PLCG2: variants seen among roughly 807,000 people sequenced by gnomAD.
The protein encoded by PLCG2 is 1-phosphatidylinositol 4,5-bisphosphate phosphodiesterase gamma-2.
A neutral mutation model predicts 175.6 loss-of-function variants in PLCG2; 69 were observed. The ratio of observed to expected loss-of-function variants is 0.39; its 90% CI spans 0.32 to 0.48. The LOEUF is 0.48. PLCG2 is among the 20% of genes least tolerant of loss of function. PLCG2 has a pLI of 0.91. For synonymous variants in PLCG2, 827 were observed against 624.0 expected (o/e 1.33, Z -4.85); for missense variants, 1,798 against 1,650.9 (o/e 1.09, Z -1.54).
At chr16:81,893,430 T>G (rs1377333715) in intron 11 of PLCG2, among the ~76,000 whole-genome samples, 1 of 146,546 alleles carries the variant, frequency 6.8e-6, no homozygotes, top group Non-Finnish European at 1.5e-5. Flanking sequence ...TTTGACCAAC[T>G]TCTCCTCAAA....
At chr16:81,808,528 C>G (rs187822322) in intron 2 of PLCG2, among the ~76,000 whole-genome samples, 15 of 152,206 alleles carry the variant, frequency 9.9e-5, no homozygotes, top group African/African-American at 3.4e-4. Context: ...GAGTCTCCCT[C>G]TGTCGCCCAG....
chr16:81,780,871 A>G (rs898156655), intron 1 of PLCG2, among the ~76,000 whole-genome samples: 1 of 152,152 alleles, frequency 6.6e-6, no homozygotes, highest in Non-Finnish European at 1.5e-5. Context: ...TACTAAAACT[A>G]CAAAAATTAC....
intron 2 of PLCG2, among the ~76,000 whole-genome samples, chr16:81,850,050 C>CACAAGAGAAA (rs1906327839): frequency 6.6e-6 from 1 of 152,022 alleles, no homozygotes; most frequent in Non-Finnish European, 1.5e-5. Flanking sequence ...AAGTCAAAGG[C>CACAAGAGAAA]ACAAGAGAAA....
intron 9 of PLCG2, among the ~76,000 whole-genome samples, chr16:81,887,053 A>C (rs1370243930): frequency 2.0e-5 from 3 of 151,802 alleles, no homozygotes; most frequent in Non-Finnish European, 4.4e-5. Flanking sequence ...AAATGCAAAA[A>C]CTTTGTAGGG....
chr16:81,886,823 A>G (rs1490932400), intron 9 of PLCG2, among the ~76,000 whole-genome samples: 4 of 152,232 alleles, frequency 2.6e-5, no homozygotes, highest in Non-Finnish European at 5.9e-5. Flanking sequence ...GTATAGAGTC[A>G]GTGCTCAGTG....
intron 25 of PLCG2, among the ~76,000 whole-genome samples, chr16:81,931,942 C>G (rs1276039447): frequency 6.6e-6 from 1 of 152,220 alleles, no homozygotes; most frequent in East Asian, 1.9e-4. Flanking sequence ...CCCTACATAT[C>G]TTACCAAGGA....
Position 81,943,245 on chromosome 16 carries a change from A to T in PLCG2, c.3482-2930A>T, listed in dbSNP as rs1911023541. Among the ~76,000 whole-genome samples, 3 of 152,224 alleles carry T rather than the reference A, an allele frequency of 2.0e-5. No homozygotes were observed. The East Asian group carries it at 5.8e-4, about 29-fold the overall frequency. On this transcript the variant is annotated intron_variant, in intron 30 of 32. Transcript: ENST00000564138. ...CTGAGACTGGGTAATTTATAAAGAA[A>T]AGAGGTTTGATTGGCTCACAGTTCT...
At chr16:81,767,134 T>TG (rs1450718911) in intron 2 of PLCG2, among the ~76,000 whole-genome samples, 2 of 123,282 alleles carry the variant, frequency 1.6e-5, no homozygotes, top group African/African-American at 6.2e-5. Context: ...GATAAACTCG[T>TG]GGTTTTTTTT....
At position 81,886,836 on chromosome 16, in the gene PLCG2, G is replaced by A. The variant is rs750158855; in HGVS notation, c.766-2336G>A. On this transcript the variant is annotated intron_variant, in intron 9 of 32. Transcript: ENST00000564138. ...GAGTATAGAGTCAGTGCTCAGTGTTGATGGCCATCGCCATTTATTTTTATT... is the reference window on the plus strand; with the variant it reads ...GAGTATAGAGTCAGTGCTCAGTGTTAATGGCCATCGCCATTTATTTTTATT... Among the ~76,000 whole-genome samples the A allele has an allele frequency of 1.1e-3, 162 of 152,200 alleles. 1 individual carries two copies. Among genetic ancestry groups the A allele is most frequent in the Non-Finnish European group, 1.2e-3 (79 of 68,036 alleles).
At chr16:81,923,848 C>G (rs763910280) in intron 22 of PLCG2, among the ~76,000 whole-genome samples, 22 of 152,182 alleles carry the variant, frequency 1.4e-4, no homozygotes, top group Non-Finnish European at 1.8e-4. Context: ...ACAGCAGCTA[C>G]CATTTATTGA....
chr16:81,905,468 G>A lies in PLCG2; in HGVS notation c.1428G>A (p.Lys476=). The part of the protein sequence containing the change: ...VNMEDKKDEH[K]QQGELYMWDS... ...TGGAGGACAAGAAGGACGAACACAA[G>A]CAACAGGGGGAGCTGTACATGTGGG... The change falls in exon 15 of 33, where the codon AAG becomes AAA. Residue 476 remains lysine, a synonymous_variant. Transcript: ENST00000564138. 1.2e-6 allele frequency: 2 copies of A among 1,614,176 alleles called. No homozygotes were observed. The highest frequency in any genetic ancestry group is 1.7e-6 in the Non-Finnish European group (2 of 1,179,998).
Position 81,958,632 on chromosome 16 carries a change from G to A in PLCG2, c.*634G>A, listed in dbSNP as rs552610533. On this transcript the variant is annotated 3_prime_UTR_variant, in exon 33 of 33. Transcript: ENST00000564138. ...GGTGACAGCTTGTTTTGTGACTAGA[G>A]TTACTGGGATGGAGGGTAGGAATCT... The A allele has an allele frequency of 1.8e-5, 4 of 225,456 alleles. No individual in the cohort carries two copies. Among genetic ancestry groups the A allele is most frequent in the African/African-American group, 8.9e-5 (4 of 45,000 alleles). 14.0% of individuals were successfully genotyped at this position (225,456 alleles called of 1,614,324 possible).
chr16:81,821,050 C>G (rs1904776164), intron 2 of PLCG2, among the ~76,000 whole-genome samples: 2 of 152,120 alleles, frequency 1.3e-5, no homozygotes, highest in South Asian at 2.1e-4. Context: ...CACCATCATG[C>G]CTGGCTAATT....
At chr16:81,761,104 C>T (rs575840845) in intron 2 of PLCG2, among the ~76,000 whole-genome samples, 21 of 152,210 alleles carry the variant, frequency 1.4e-4, no homozygotes, top group African/African-American at 5.1e-4. Flanking sequence ...ACTATGTTGC[C>T]CAGGCTGGTC....
intron 5 of PLCG2, among the ~76,000 whole-genome samples, chr16:81,863,314 A>G (rs544972231): frequency 6.6e-6 from 1 of 152,354 alleles, no homozygotes; most frequent in African/African-American, 2.4e-5. Context: ...GTCCTTTTGT[A>G]TCTGGCTTAT....
chr16:81,895,721 A>G, intron 12 of PLCG2, 86 bp from the exon 13 acceptor site: 1 of 1,477,784 alleles, frequency 6.8e-7, no homozygotes, highest in Non-Finnish European at 9.4e-7. Flanking sequence ...TTGTCTAGTA[A>G]CTGAACTGGT....
upstream of PLCG2, among the ~76,000 whole-genome samples, chr16:81,777,610 C>G (rs183892919): frequency 6.6e-6 from 1 of 151,556 alleles, no homozygotes; most frequent in South Asian, 2.1e-4. Flanking sequence ...CAGCTATACA[C>G]GCCAGTTGGG....
At chr16:81,957,837 C>G in intron 32 of PLCG2, 119 bp from the exon 33 acceptor site, 1 of 859,864 alleles carries the variant, frequency 1.2e-6, no homozygotes, top group Non-Finnish European at 1.9e-6. Flanking sequence ...TGACACTCAG[C>G]CCTATACCAT....
intron 11 of PLCG2, among the ~76,000 whole-genome samples, chr16:81,892,917 A>T (rs1280909563): frequency 1.3e-5 from 2 of 149,326 alleles, no homozygotes; most frequent in Non-Finnish European, 3.0e-5. Context: ...GTGCGATCTC[A>T]GCTCACAACC....
Sources: allele counts gnomAD v4.1 joint callset (sites outside exome capture counted in the v4.1 genomes callset), GRCh38; gene constraint gnomAD v4.1.1; transcripts MANE v1.5; gene names NCBI Gene and HGNC (gene_info 2026-07-23, HGNC 2026-07-21).